Variants in STON2 observed in about 807,000 individuals in gnomAD.
STON2 encodes the protein stonin-2.
Under a neutral mutation model 65.7 loss-of-function variants are expected in STON2, and 29 were observed. The ratio of observed to expected loss-of-function variants is 0.44; its 90% confidence interval spans 0.33 to 0.60. The LOEUF is 0.60. STON2 is among the 20% of genes least tolerant of loss of function. The pLI is 0.03. For missense variants in STON2, 1,054 were observed against 1,118.1 expected (o/e 0.94, Z 0.82); for synonymous variants, 404 against 414.2 (o/e 0.98, Z 0.30).
At chr14:81,333,386 C>T (rs1195996717) in intron 4 of STON2, 1 of 443,730 alleles carries the variant, frequency 2.3e-6, no homozygotes, top group African/African-American at 2.0e-5. Flanking sequence ...CTCAGACAGC[C>T]AGGGAGGCTA....
chr14:81,434,665 G>A (rs564354512), intron 1 of STON2, among the ~76,000 whole-genome samples: 27 of 152,276 alleles, frequency 1.8e-4, no homozygotes, highest in South Asian at 4.1e-4. Flanking sequence ...CCCTAGAGAA[G>A]CTTTGAGAAG....
chr14:81,268,990 C>A (rs1215211369), intron 7 of STON2, among the ~76,000 whole-genome samples: 1 of 152,078 alleles, frequency 6.6e-6, no homozygotes, highest in Admixed American at 6.6e-5. Flanking sequence ...GTTTGTACCC[C>A]CTCAATACTT....
chr14:81,425,445 AC>A (rs1901918991), intron 2 of STON2, among the ~76,000 whole-genome samples: 1 of 152,038 alleles, frequency 6.6e-6, no homozygotes. Context: ...GGTGGCTCAC[AC>A]CTGTAATCCC....
intron 2 of STON2, among the ~76,000 whole-genome samples, chr14:81,416,921 C>G (rs576725683): frequency 1.5e-4 from 23 of 152,274 alleles, no homozygotes; most frequent in Admixed American, 5.2e-4. Context: ...AAACAGAGCT[C>G]CAGGCCACAA....
chr14:81,381,583 T>C (rs759667340), intron 3 of STON2, among the ~76,000 whole-genome samples: 1 of 147,216 alleles, frequency 6.8e-6, no homozygotes, highest in Non-Finnish European at 1.5e-5. Context: ...GGAAATGCAA[T>C]TTAAATCACA....
intron 3 of STON2, among the ~76,000 whole-genome samples, chr14:81,386,830 C>T (rs898250496): frequency 2.0e-5 from 3 of 151,804 alleles, no homozygotes; most frequent in Admixed American, 2.0e-4. Flanking sequence ...TCTTTTAGTC[C>T]ATTTGTCTGC....
At chr14:81,416,709 T>C (rs1901454264) in intron 2 of STON2, among the ~76,000 whole-genome samples, 1 of 152,206 alleles carries the variant, frequency 6.6e-6, no homozygotes, top group Non-Finnish European at 1.5e-5. Flanking sequence ...TCTGGGCCAT[T>C]TCAGTCAACA....
intron 4 of STON2, among the ~76,000 whole-genome samples, chr14:81,340,244 G>A: frequency 6.6e-6 from 1 of 152,168 alleles, no homozygotes; most frequent in Non-Finnish European, 1.5e-5. Context: ...TCTTGAAAAT[G>A]CAAACTAATT....
At chr14:81,299,233 T>C (rs1895879852) in intron 5 of STON2, among the ~76,000 whole-genome samples, 1 of 152,200 alleles carries the variant, frequency 6.6e-6, no homozygotes, top group Non-Finnish European at 1.5e-5. Flanking sequence ...TGCACAGAAT[T>C]AACGTGTTAT....
intron 5 of STON2, among the ~76,000 whole-genome samples, chr14:81,291,124 T>G (rs977149993): frequency 1.3e-5 from 2 of 152,012 alleles, no homozygotes; most frequent in Admixed American, 1.3e-4. Flanking sequence ...ACAGGAAGAA[T>G]GAAGAAAGGA....
chr14:81,331,210 G>A (rs781183657), intron 4 of STON2, among the ~76,000 whole-genome samples: 7 of 152,214 alleles, frequency 4.6e-5, no homozygotes, highest in Non-Finnish European at 7.3e-5. Context: ...CTGCTAGAAT[G>A]TATTATTTCT....
chr14:81,306,165 C>CTATA (rs1236740654), intron 5 of STON2, among the ~76,000 whole-genome samples: 4 of 144,960 alleles, frequency 2.8e-5, no homozygotes, highest in Admixed American at 2.1e-4. Flanking sequence ...CTCTCTCTCT[C>CTATA]TCTATATATA....
chr14:81,306,163 C>CTCTT (rs1896165354), intron 5 of STON2, among the ~76,000 whole-genome samples: 1 of 143,380 alleles, frequency 7.0e-6, no homozygotes, highest in Non-Finnish European at 1.5e-5. Flanking sequence ...ATCTCTCTCT[C>CTCTT]TCTCTATATA....
intron 2 of STON2, among the ~76,000 whole-genome samples, chr14:81,415,539 G>A (rs959447244): frequency 6.6e-5 from 10 of 151,916 alleles, no homozygotes; most frequent in Non-Finnish European, 1.5e-5. Context: ...GTGTGGTGGT[G>A]CACACCTGTA....
chr14:81,389,771 G>C lies in STON2; in HGVS notation c.373+6123C>G, dbSNP rs572895425. On this transcript the variant is annotated intron_variant, in intron 3 of 7. Coordinates refer to ENST00000614646, the MANE Select transcript of STON2 (RefSeq NM_001394390.1). Reference sequence around the variant, plus strand: ...AAGTAAACGATAATTAACAAGGGAAGTTGCTTTAAATTCTGATTTTCATCC... The same window carrying C: ...AAGTAAACGATAATTAACAAGGGAACTTGCTTTAAATTCTGATTTTCATCC... 3.2e-3 allele frequency among the ~76,000 whole-genome samples: 480 copies of C among 152,350 alleles called. 2 individuals are homozygous for C. Among genetic ancestry groups the C allele is most frequent in the African/African-American group, 0.01 (424 of 41,580 alleles).
rs1374889205 is a variant in STON2 at position 81,412,890 on chromosome 14, T to C, written c.-199+14212A>G. 5.2e-6 allele frequency: 3 copies of C among 576,432 alleles called. 1 individual carries two copies. The highest frequency in any genetic ancestry group is 6.5e-5 in the Admixed American group (2 of 30,982). The allele number at this position is 576,432 out of a possible 1,614,324, so 35.7% of individuals were successfully genotyped here. Reference sequence around the variant, plus strand: ...AGAGGCGCCACGGCTTCCATAGCGATGGCAGCTCCAGCCGGGCGATGCTTA... The same window carrying C: ...AGAGGCGCCACGGCTTCCATAGCGACGGCAGCTCCAGCCGGGCGATGCTTA... On this transcript the variant is annotated intron_variant, in intron 2 of 8. Coordinates refer to the STON2 transcript ENST00000553821.
chr14:81,264,776 A>G lies in STON2; in HGVS notation c.*3638T>C. On this transcript the variant is annotated 3_prime_UTR_variant, in exon 8 of 8. Transcript: ENST00000614646. ...TGAAACTGTCCAGATAATATTTAAT[A>G]TGAATGAAATGCAAACTTTTGATAA... The G allele has an allele frequency of 1.0e-6, 1 of 985,462 alleles. No homozygotes were observed. Among genetic ancestry groups the G allele is most frequent in the Non-Finnish European group, 1.2e-6 (1 of 829,922 alleles). 61.0% of individuals were successfully genotyped at this position (985,462 alleles called of 1,614,324 possible).
In STON2 at chr14:81,278,202, T is replaced by C. The variant is rs1894947198; in HGVS notation, c.1280A>G (p.Asp427Gly). Residue 427 changes from aspartate to glycine, a missense_variant, in exon 6 of 8, where the codon GAT (aspartate) becomes GGT (glycine). By Grantham distance (94) the Asp-to-Gly change is moderately conservative. Coordinates refer to ENST00000614646, the MANE Select transcript of STON2 (RefSeq NM_001394390.1). Reference protein sequence around the residue: ...IVIYQDAISFDDSSKTQSHSD... With the variant: ...IVIYQDAISFGDSSKTQSHSD... ...GTGTGACTGGGTTTTGCTTGAATCATCAAAACTGATGGCATCCTGGTAGAT... is the reference window on the plus strand; with the variant it reads ...GTGTGACTGGGTTTTGCTTGAATCACCAAAACTGATGGCATCCTGGTAGAT... The C allele has an allele frequency of 1.2e-6, 2 of 1,614,046 alleles. No individual in the cohort carries two copies. The highest frequency in any genetic ancestry group is 1.3e-5 in the African/African-American group (1 of 74,942).
At chr14:81,415,197 T>C (rs955622630) in intron 2 of STON2, among the ~76,000 whole-genome samples, 2 of 151,762 alleles carry the variant, frequency 1.3e-5, no homozygotes, top group African/African-American at 4.9e-5. Flanking sequence ...TTTGCCATCC[T>C]ATAGATGAGG....
Sources: allele counts gnomAD v4.1 joint callset (sites outside exome capture counted in the v4.1 genomes callset), GRCh38; gene constraint gnomAD v4.1.1; transcripts MANE v1.5; gene names NCBI Gene and HGNC (gene_info 2026-07-23, HGNC 2026-07-21).